PPP1R16B: variants seen among roughly 807,000 people sequenced by gnomAD.
PPP1R16B encodes protein phosphatase 1 regulatory subunit 16B, also known as protein phosphatase 1 regulatory inhibitor subunit 16B.
In PPP1R16B, 14 loss-of-function variants were observed where a neutral mutation model predicts 61.7. The ratio of observed to expected loss-of-function variants is 0.23; its 90% CI spans 0.15 to 0.35. PPP1R16B has a LOEUF of 0.35. PPP1R16B is among the 10% of genes least tolerant of loss of function. PPP1R16B has a pLI of 1.00. For missense variants in PPP1R16B, 547 were observed against 752.5 expected, an observed-to-expected ratio of 0.73 and a Z score of 3.19; for synonymous variants, 266 against 305.3, an observed-to-expected ratio of 0.87 and a Z score of 1.34.
chr20:38,869,914 T>C lies in PPP1R16B; in HGVS notation c.251-19681T>C, dbSNP rs1360304339. 2.0e-5 allele frequency among the ~76,000 whole-genome samples: 3 copies of C among 146,944 alleles called. No homozygotes were observed. In the East Asian group the frequency reaches 5.9e-4, roughly 29 times the overall value. ...GCCTGCCTTCACTGCAGAGCAAAAA[T>C]TTTATTTATTTATTTTTTTTTTTTT... On this transcript the variant is annotated intron_variant, in intron 2 of 10. Coordinates refer to ENST00000299824, the MANE Select transcript of PPP1R16B (RefSeq NM_015568.4).
At chr20:38,816,529 T>C (rs1025544798) in intron 1 of PPP1R16B, among the ~76,000 whole-genome samples, 4 of 152,138 alleles carry the variant, frequency 2.6e-5, no homozygotes, top group South Asian at 2.1e-4. Context: ...TCAAAAAGAA[T>C]AGGTCCATGT....
intron 1 of PPP1R16B, among the ~76,000 whole-genome samples, chr20:38,820,627 C>T (rs958494822): frequency 7.9e-5 from 12 of 151,872 alleles, no homozygotes; most frequent in Non-Finnish European, 1.2e-4. Flanking sequence ...AGGACATGCC[C>T]GTGTTTAATT....
At chr20:38,870,605 G>A (rs1337083411) in intron 2 of PPP1R16B, among the ~76,000 whole-genome samples, 2 of 152,156 alleles carry the variant, frequency 1.3e-5, no homozygotes, top group Non-Finnish European at 2.9e-5. Context: ...GGCAGTGAAA[G>A]CCTCTGGTGG....
At chr20:38,892,370 C>T (rs1451079625) in intron 3 of PPP1R16B, among the ~76,000 whole-genome samples, 1 of 152,108 alleles carries the variant, frequency 6.6e-6, no homozygotes, top group Non-Finnish European at 1.5e-5. Context: ...TCGCCAGGCT[C>T]CGAGTTTAGC....
chr20:38,905,962 C>T lies in PPP1R16B; in HGVS notation c.697-7C>T. Reference sequence around the variant, plus strand: ...TGAGGAATGCTCACTTCTTTCCTCTCCTCCAGCTGCACATAGCTGGAGCCA... The same window carrying T: ...TGAGGAATGCTCACTTCTTTCCTCTTCTCCAGCTGCACATAGCTGGAGCCA... On this transcript the variant is annotated splice_polypyrimidine_tract_variant and splice_region_variant and intron_variant, in intron 6 of 10. Transcript: ENST00000299824. The T allele has an allele frequency of 6.2e-7, 1 of 1,611,908 alleles. No individual in the cohort carries two copies. Among genetic ancestry groups the T allele is most frequent in the Non-Finnish European group, 8.5e-7 (1 of 1,179,114 alleles).
At chr20:38,874,217 C>T (rs764620424) in intron 2 of PPP1R16B, among the ~76,000 whole-genome samples, 9 of 152,100 alleles carry the variant, frequency 5.9e-5, no homozygotes, top group South Asian at 2.1e-4. Flanking sequence ...TGTAGTCAGT[C>T]CACAGATCTC....
intron 10 of PPP1R16B, among the ~76,000 whole-genome samples, chr20:38,915,236 T>C (rs1309840129): frequency 6.6e-6 from 1 of 152,184 alleles, no homozygotes; most frequent in Non-Finnish European, 1.5e-5. Flanking sequence ...CATAATGTCA[T>C]GTGTCCGTCA....
chr20:38,901,519 C>T (rs1301301162), intron 5 of PPP1R16B, among the ~76,000 whole-genome samples: 1 of 152,194 alleles, frequency 6.6e-6, no homozygotes, highest in Non-Finnish European at 1.5e-5. Flanking sequence ...AAGTGATTCT[C>T]CTGCTTCAGC....
Position 38,917,477 on chromosome 20 carries a change from T to C in PPP1R16B, c.1195-680T>C, listed in dbSNP as rs187581450. ...TTGCATGTATCTATTTTTTAGTTTA[T>C]AGTTTTTAGGAAGCAGCTACTTTTC... On this transcript the variant is annotated intron_variant, in intron 10 of 10. Coordinates refer to ENST00000299824, the MANE Select transcript of PPP1R16B (RefSeq NM_015568.4). Among the ~76,000 whole-genome samples the C allele has an allele frequency of 2.6e-5, 4 of 152,336 alleles. No homozygotes were observed. In the East Asian group the frequency reaches 7.7e-4, roughly 29 times the overall value.
rs566116156 is a variant in PPP1R16B at position 38,814,284 on chromosome 20, C to G, written c.-102+8492C>G. The stretch of plus-strand genomic sequence containing the variant: ...CCCTTTCTTTGCATAAAAATGCTGT[C>G]TTCTCTTTATGGGGCTATCCCTACT... On this transcript the variant is annotated intron_variant, in intron 1 of 10. Coordinates refer to ENST00000299824, the MANE Select transcript of PPP1R16B (RefSeq NM_015568.4). Among the ~76,000 whole-genome samples, 38 of 152,232 alleles carry G rather than the reference C, an allele frequency of 2.5e-4. No homozygotes were observed. The South Asian group carries it at 5.4e-3, about 22-fold the overall frequency.
intron 1 of PPP1R16B, among the ~76,000 whole-genome samples, chr20:38,813,767 C>CATTATTATT (rs371284370): frequency 2.6e-3 from 339 of 132,060 alleles, no homozygotes; most frequent in Middle Eastern, 0.011. Context: ...TCATCATCAT[C>CATTATTATT]ATTATTATTA....
At chr20:38,855,933 TATATATATATAGAG>T (rs1434627594) in intron 2 of PPP1R16B, among the ~76,000 whole-genome samples, 32 of 48,316 alleles carry the variant, frequency 6.6e-4, no homozygotes, top group Admixed American at 1.0e-3. Flanking sequence ...TATATATATA[TATATATATATAGAG>T]AGAGAGAGAG....
intron 2 of PPP1R16B, among the ~76,000 whole-genome samples, chr20:38,886,268 G>A (rs1351555327): frequency 1.3e-5 from 2 of 152,110 alleles, no homozygotes; most frequent in African/African-American, 2.4e-5. Context: ...CTAGAGATGG[G>A]AATCATTTGT....
intron 2 of PPP1R16B, among the ~76,000 whole-genome samples, chr20:38,858,608 A>G (rs1471486029): frequency 6.6e-6 from 1 of 152,034 alleles, no homozygotes; most frequent in East Asian, 1.9e-4. Context: ...AGTGGCTGCC[A>G]TGCTCTTCTG....
intron 3 of PPP1R16B, 64 bp from the exon 4 acceptor site, chr20:38,895,501 C>T (rs764859836): frequency 2.2e-4 from 332 of 1,543,026 alleles, no homozygotes; most frequent in Non-Finnish European, 2.8e-4. Flanking sequence ...CCTGGTGTGT[C>T]CTGACCAGGG....
intron 1 of PPP1R16B, among the ~76,000 whole-genome samples, chr20:38,823,229 T>C (rs753531892): frequency 6.6e-6 from 1 of 152,196 alleles, no homozygotes; most frequent in Non-Finnish European, 1.5e-5. Flanking sequence ...CTTACCAAAA[T>C]GTAGGGCATC....
chr20:38,895,861 T>C (rs13042579), intron 4 of PPP1R16B, 151 bp downstream of exon 4: 40,185 of 330,530 alleles, frequency 0.12, 1,764 homozygotes, highest in South Asian at 0.22. Flanking sequence ...CCTTCTTTCT[T>C]CCCTCCCTCC....
chr20:38,911,989 CAT>C (rs1188789167), intron 10 of PPP1R16B, among the ~76,000 whole-genome samples: 1 of 152,000 alleles, frequency 6.6e-6, no homozygotes, highest in Non-Finnish European at 1.5e-5. Context: ...CACGGGTAGG[CAT>C]ATGTTTAGCT....
intron 6 of PPP1R16B, among the ~76,000 whole-genome samples, chr20:38,904,429 G>C (rs1053538626): frequency 1.3e-5 from 2 of 152,230 alleles, no homozygotes; most frequent in Non-Finnish European, 2.9e-5. Flanking sequence ...GATTCTGTGT[G>C]AAAGTGCTTA....
Sources: gnomAD v4.1 joint callset for allele counts (sites outside exome capture counted in the v4.1 genomes callset) on GRCh38, gnomAD v4.1.1 for gene constraint, MANE v1.5 for transcripts, NCBI Gene and HGNC (gene_info 2026-07-23, HGNC 2026-07-21) for gene names.